The following SCRG1 variants were observed in gnomAD, a reference collection of about 807,000 sequenced individuals.
SCRG1 encodes the protein stimulator of chondrogenesis 1, also known as scrapie-responsive protein 1.
In SCRG1, 3 loss-of-function variants were observed where a neutral mutation model predicts 7.7. That is an observed-to-expected ratio of 0.39 (90% CI 0.18 to 1.01). The LOEUF is 1.01. Among genes scored for constraint, SCRG1 ranks in the 50% least tolerant of loss-of-function variants. The probability of loss-of-function intolerance (pLI) is 0.36; values close to 1 mark genes in which losing one functional copy is unlikely to be tolerated. For missense variants in SCRG1, 110 were observed against 117.2 expected (o/e 0.94, Z 0.28); for synonymous variants, 46 against 41.2 (o/e 1.12, Z -0.44).
At chr4:173,408,961 C>T (rs1396534000), upstream of SCRG1, among the ~76,000 whole-genome samples, 9 of 137,498 alleles carry the variant, frequency 6.5e-5, no homozygotes, top group East Asian at 2.1e-4. Context: ...CGCCGCACTC[C>T]GGCCTGGGCG....
chr4:173,397,104 T>A (rs1287826971), intron 1 of SCRG1, among the ~76,000 whole-genome samples: 1 of 152,180 alleles, frequency 6.6e-6, no homozygotes, highest in Admixed American at 6.5e-5. Flanking sequence ...TTACATGTCT[T>A]AAATGCAGAC....
chr4:173,434,489 G>A, the SCRG1 span, among the ~76,000 whole-genome samples: 2 of 152,206 alleles, frequency 1.3e-5, no homozygotes, highest in South Asian at 2.1e-4. Flanking sequence ...CAAGCAATAC[G>A]TTCTAAATGG....
chr4:173,406,990 C>G (rs1739926097), upstream of SCRG1, among the ~76,000 whole-genome samples: 1 of 152,030 alleles, frequency 6.6e-6, no homozygotes, highest in Admixed American at 6.6e-5. Flanking sequence ...GGTGGATCAT[C>G]TGAGGTCAGG....
the SCRG1 span, among the ~76,000 whole-genome samples, chr4:173,453,503 T>C: frequency 6.6e-6 from 1 of 152,224 alleles, no homozygotes; most frequent in Admixed American, 6.5e-5. Flanking sequence ...ACCTAGGCTA[T>C]ATGGTATAGC....
At chr4:173,505,236 G>A in the SCRG1 span, among the ~76,000 whole-genome samples, 1 of 152,196 alleles carries the variant, frequency 6.6e-6, no homozygotes, top group Non-Finnish European at 1.5e-5. This position sits in a 1 kb window ranked among gnomAD's most constrained non-coding sequence, Gnocchi z 4.4. Context: ...CAAAGGGAAA[G>A]AGAAGGCTCA....
At chr4:173,461,646 G>C in the SCRG1 span, among the ~76,000 whole-genome samples, 3 of 152,138 alleles carry the variant, frequency 2.0e-5, no homozygotes, top group Non-Finnish European at 4.4e-5. Flanking sequence ...ACCCTTCAAT[G>C]CCCAGACACC....
chr4:173,443,481 A>G, the SCRG1 span, among the ~76,000 whole-genome samples: 1 of 152,196 alleles, frequency 6.6e-6, no homozygotes, highest in Non-Finnish European at 1.5e-5. Context: ...ACTAAAACAC[A>G]AGGAAGCTAA....
chr4:173,464,876 T>C, the SCRG1 span, among the ~76,000 whole-genome samples: 8 of 152,090 alleles, frequency 5.3e-5, no homozygotes, highest in Non-Finnish European at 1.0e-4. Flanking sequence ...AAACAAAACA[T>C]GGTATGTACA....
At chr4:173,486,495 A>G in the SCRG1 span, among the ~76,000 whole-genome samples, 1 of 151,974 alleles carries the variant, frequency 6.6e-6, no homozygotes, top group Non-Finnish European at 1.5e-5. Flanking sequence ...GACTCTTCTC[A>G]CATATTCTTG....
chr4:173,390,472 GT>G (rs1157046793), intron 2 of SCRG1, among the ~76,000 whole-genome samples: 358 of 115,452 alleles, frequency 3.1e-3, no homozygotes, highest in African/African-American at 8.9e-3. Flanking sequence ...GTTGTTGTTC[GT>G]TTTTTTTTTT....
At chr4:173,487,899 C>T in the SCRG1 span, among the ~76,000 whole-genome samples, 3,044 of 151,796 alleles carry the variant, frequency 0.02, 77 homozygotes, top group African/African-American at 0.06. Flanking sequence ...TTCAGGAGTT[C>T]GAGATCATCC....
chr4:173,436,165 A>G, the SCRG1 span, among the ~76,000 whole-genome samples: 1 of 152,274 alleles, frequency 6.6e-6, no homozygotes, highest in African/African-American at 2.4e-5. Flanking sequence ...GGGTTATATC[A>G]TTGGGTTAGT....
chr4:173,401,919 T>A (rs1167233265), upstream of SCRG1, among the ~76,000 whole-genome samples: 1 of 152,230 alleles, frequency 6.6e-6, no homozygotes, highest in African/African-American at 2.4e-5. Flanking sequence ...GAGAAGGAGT[T>A]CAATTCCAAA....
At chr4:173,515,764 T>C in the SCRG1 span, among the ~76,000 whole-genome samples, 2 of 152,052 alleles carry the variant, frequency 1.3e-5, 1 homozygote, top group Admixed American at 1.3e-4. This position sits in a 1 kb window ranked among gnomAD's most constrained non-coding sequence, Gnocchi z 4.6. Flanking sequence ...TTCTCAGGTT[T>C]CCCGTGGGTT....
At chr4:173,464,751 A>C in the SCRG1 span, among the ~76,000 whole-genome samples, 2 of 152,186 alleles carry the variant, frequency 1.3e-5, no homozygotes, top group Non-Finnish European at 2.9e-5. Context: ...TATATACACA[A>C]AAGAATTTAA....
At chr4:173,507,266 G>A in the SCRG1 span, among the ~76,000 whole-genome samples, 2 of 152,312 alleles carry the variant, frequency 1.3e-5, no homozygotes, top group Non-Finnish European at 2.9e-5. This position sits in a 1 kb window ranked among gnomAD's most constrained non-coding sequence, Gnocchi z 4.4. Flanking sequence ...CTGGAATGAA[G>A]TGTCTCGATG....
the SCRG1 span, among the ~76,000 whole-genome samples, chr4:173,418,832 TTTC>T: frequency 6.6e-6 from 1 of 152,190 alleles, no homozygotes; most frequent in Non-Finnish European, 1.5e-5. Context: ...CTTCACTCTC[TTTC>T]TTCTTCTCTG....
At chr4:173,490,796 T>C in the SCRG1 span, among the ~76,000 whole-genome samples, 1 of 152,224 alleles carries the variant, frequency 6.6e-6, no homozygotes, top group Non-Finnish European at 1.5e-5. Context: ...CTACTGTAAC[T>C]AATTCCCTCT....
the SCRG1 span, among the ~76,000 whole-genome samples, chr4:173,515,665 G>C: frequency 2.0e-5 from 3 of 152,220 alleles, no homozygotes; most frequent in South Asian, 6.2e-4. This position sits in a 1 kb window ranked among gnomAD's most constrained non-coding sequence, Gnocchi z 4.6. Context: ...AGGTGGTGGG[G>C]CTGTGTGTCA....
Sources: gnomAD v4.1 joint callset for allele counts (sites outside exome capture counted in the v4.1 genomes callset) on GRCh38, gnomAD v4.1.1 for gene constraint, Gnocchi (gnomAD v3.1) non-coding constraint, MANE v1.5 for transcripts, NCBI Gene and HGNC (gene_info 2026-07-23, HGNC 2026-07-21) for gene names.